Variants in TNIP3 observed in about 807,000 individuals in gnomAD.
TNIP3 encodes TNFAIP3 interacting protein 3.
A neutral mutation model predicts 54.1 loss-of-function variants in TNIP3; 34 were observed. The ratio of observed to expected loss-of-function variants is 0.63; its 90% CI spans 0.48 to 0.84. The LOEUF (loss-of-function observed/expected upper bound fraction) is 0.84, where lower values mean the gene tolerates loss of function less well. Ranked by LOEUF, TNIP3 falls within the 40% of genes least tolerant of loss-of-function variation. The pLI, the probability that TNIP3 is intolerant of heterozygous loss-of-function variation, is 0.00. For missense variants in TNIP3, 366 were observed against 387.6 expected, an observed-to-expected ratio of 0.94 and a Z score of 0.47; for synonymous variants, 134 against 136.8, an observed-to-expected ratio of 0.98 and a Z score of 0.14.
intron 1 of TNIP3, 23 bp from the exon 2 acceptor site, chr4:121,161,239 A>C (rs748450852): frequency 6.5e-7 from 1 of 1,535,024 alleles, no homozygotes; most frequent in East Asian, 2.3e-5. Context: ...AAAAGAGAGA[A>C]GATTGAAACA....
intron 2 of TNIP3, among the ~76,000 whole-genome samples, chr4:121,190,756 G>A (rs76790569): frequency 0.026 from 4,012 of 152,272 alleles, 84 homozygotes; most frequent in Admixed American, 0.036. Context: ...AACCTTAACC[G>A]AAGTGTTGAG....
intron 2 of TNIP3, among the ~76,000 whole-genome samples, chr4:121,198,570 T>C (rs1421374335): frequency 1.3e-5 from 2 of 152,206 alleles, no homozygotes; most frequent in African/African-American, 4.8e-5. Flanking sequence ...ATCCCTGTTT[T>C]CATGGAGCTT....
upstream of TNIP3, among the ~76,000 whole-genome samples, chr4:121,166,122 C>G (rs1201329024): frequency 6.6e-6 from 1 of 152,098 alleles, no homozygotes; most frequent in Non-Finnish European, 1.5e-5. Flanking sequence ...CTTGAGTCTC[C>G]CCTGTAAAAT....
rs779487428 is a variant in TNIP3, at chr4:121,132,032, C to G, written c.*599G>C. 6.6e-6 allele frequency: 1 copy of G among 152,246 alleles called. No homozygotes were observed. Among genetic ancestry groups the G allele is most frequent in the African/African-American group, 2.4e-5 (1 of 41,434 alleles). 9.4% of individuals were successfully genotyped at this position (152,246 alleles called of 1,614,324 possible). A position where few individuals can be genotyped will look rare whatever the true frequency, so the allele number is the denominator to read the frequency against. ...TGTCTAAGGAATAGCTTCCAATTAA[C>G]CATCTTATTCAGATTGAACCACTTA... On this transcript the variant is annotated 3_prime_UTR_variant, in exon 11 of 11. Coordinates refer to ENST00000057513, the MANE Select transcript of TNIP3 (RefSeq NM_024873.6).
At chr4:121,143,109 G>A (rs924780517) in intron 7 of TNIP3, among the ~76,000 whole-genome samples, 3 of 152,150 alleles carry the variant, frequency 2.0e-5, no homozygotes, top group African/African-American at 4.8e-5. Context: ...CACAATAAAC[G>A]TTAGAAGTTA....
At chr4:121,205,166 A>G (rs13115256) in intron 2 of TNIP3, among the ~76,000 whole-genome samples, 41,737 of 152,034 alleles carry the variant, frequency 0.27, 6,046 homozygotes, top group African/African-American at 0.35. Flanking sequence ...GGGAATTGCA[A>G]TTTTAAATGG....
At chr4:121,214,356 T>G (rs1726667298) in intron 2 of TNIP3, among the ~76,000 whole-genome samples, 1 of 152,240 alleles carries the variant, frequency 6.6e-6, no homozygotes, top group Non-Finnish European at 1.5e-5. Context: ...ATACAAATTT[T>G]TAACCACTGT....
At chr4:121,162,581 TG>T (rs1369338452) in intron 1 of TNIP3, among the ~76,000 whole-genome samples, 4 of 152,212 alleles carry the variant, frequency 2.6e-5, no homozygotes, top group African/African-American at 9.6e-5. Context: ...TAAGCATCTT[TG>T]ATCTGGAAAA....
chr4:121,165,947 C>A (rs1730743992), upstream of TNIP3, among the ~76,000 whole-genome samples: 1 of 152,164 alleles, frequency 6.6e-6, no homozygotes, highest in Non-Finnish European at 1.5e-5. Flanking sequence ...GAATATTTTT[C>A]TTCTGAAACA....
chr4:121,165,963 T>C (rs926288089), upstream of TNIP3, among the ~76,000 whole-genome samples: 3 of 152,244 alleles, frequency 2.0e-5, no homozygotes, highest in Non-Finnish European at 2.9e-5. Flanking sequence ...AAACATACCA[T>C]GCACATACAC....
rs111340291 is a variant in TNIP3, at chr4:121,176,365, C to CT, written c.189+6310dup. Reference sequence around the variant, plus strand: ...AACAGATCCTCACACAACAATGCAACTTTTTTTTTTCTAGCAGAAAAAAAT... The same window carrying CT: ...AACAGATCCTCACACAACAATGCAACTTTTTTTTTTTCTAGCAGAAAAAAAT... On this transcript the variant is annotated intron_variant, in intron 3 of 12. Transcript: ENST00000507879. 2.7e-4 allele frequency among the ~76,000 whole-genome samples: 41 copies of CT among 150,206 alleles called. No individual in the cohort carries two copies. In the South Asian group the frequency reaches 4.2e-3, roughly 15 times the overall value.
At chr4:121,227,432 A>G in exon 1 of TNIP3, 1 of 1,521,320 alleles carries the variant, frequency 6.6e-7, no homozygotes, top group Non-Finnish European at 8.8e-7. Context: ...AGCGTATTAC[A>G]AGGTCTAATA....
chr4:121,146,582 A>C (rs1729443617), intron 7 of TNIP3, among the ~76,000 whole-genome samples: 1 of 152,166 alleles, frequency 6.6e-6, no homozygotes, highest in Non-Finnish European at 1.5e-5. Context: ...CCTTCAAAGT[A>C]CTCCAGTTAC....
intron 2 of TNIP3, among the ~76,000 whole-genome samples, chr4:121,206,599 A>T (rs915670933): frequency 2.0e-5 from 3 of 151,542 alleles, no homozygotes; most frequent in Non-Finnish European, 4.4e-5. Context: ...CACAGGCTGG[A>T]GTGTAGTGGT....
chr4:121,199,929 C>T (rs1240122934), intron 2 of TNIP3, among the ~76,000 whole-genome samples: 4 of 152,250 alleles, frequency 2.6e-5, no homozygotes, highest in African/African-American at 9.6e-5. Context: ...CAAGACACCT[C>T]GTGTGGGGCT....
At chr4:121,141,689 A>C in intron 9 of TNIP3, 127 bp downstream of exon 9, 1 of 554,354 alleles carries the variant, frequency 1.8e-6, no homozygotes, top group Non-Finnish European at 2.9e-6. Context: ...CCAACTTTGC[A>C]AGTTAGAGGC....
rs184533094 is a variant in TNIP3 at position 121,145,797 on chromosome 4, T to G, written c.735+1252A>C. Among the ~76,000 whole-genome samples, 6 of 151,786 alleles carry G rather than the reference T, an allele frequency of 4.0e-5. No homozygotes were observed. In the East Asian group the frequency reaches 1.2e-3, roughly 29 times the overall value. Reference sequence around the variant, plus strand: ...TAAAACAGTTTGTGCAGAGACAACTTAAAAGAAATTAGAGTAGTTGGGCAT... The same window carrying G: ...TAAAACAGTTTGTGCAGAGACAACTGAAAAGAAATTAGAGTAGTTGGGCAT... On this transcript the variant is annotated intron_variant, in intron 7 of 10. Coordinates refer to ENST00000057513, the MANE Select transcript of TNIP3 (RefSeq NM_024873.6).
upstream of TNIP3, among the ~76,000 whole-genome samples, chr4:121,218,956 T>C (rs2148851865): frequency 6.6e-6 from 1 of 152,180 alleles, no homozygotes; most frequent in Non-Finnish European, 1.5e-5. Context: ...TCCTAGAACT[T>C]TGGGAGGCCG....
intron 3 of TNIP3, among the ~76,000 whole-genome samples, chr4:121,181,939 ACTT>A (rs1479950700): frequency 6.6e-6 from 1 of 152,164 alleles, no homozygotes; most frequent in Non-Finnish European, 1.5e-5. Context: ...CTGAGTAAGA[ACTT>A]CTTTAGAAAG....
Sources: allele counts gnomAD v4.1 joint callset (sites outside exome capture counted in the v4.1 genomes callset), GRCh38; gene constraint gnomAD v4.1.1; transcripts MANE v1.5; gene names NCBI Gene and HGNC (gene_info 2026-07-23, HGNC 2026-07-21).